Variants in MRTFB observed in about 807,000 individuals in gnomAD.
MRTFB encodes myocardin-related transcription factor B.
In MRTFB, 29 loss-of-function variants were observed where a neutral mutation model predicts 104.2. That is an observed-to-expected ratio of 0.28 (90% CI 0.21 to 0.38). The LOEUF is 0.38. Among genes scored for constraint, MRTFB ranks in the 10% least tolerant of loss-of-function variants. MRTFB has a pLI of 1.00. For synonymous variants in MRTFB, 535 were observed against 519.5 expected (o/e 1.03, Z -0.41); for missense variants, 1,270 against 1,341.6 (o/e 0.95, Z 0.83).
intron 1 of MRTFB, among the ~76,000 whole-genome samples, chr16:14,074,635 A>T (rs2033926749): frequency 6.6e-6 from 1 of 152,188 alleles, no homozygotes. Flanking sequence ...ATGGCATCTT[A>T]GAGTCAATGA....
chr16:14,017,647 ATGTGTGTGTGTGTGTGTATTTG>A, the MRTFB span, among the ~76,000 whole-genome samples: 4 of 58,912 alleles, frequency 6.8e-5, no homozygotes, highest in East Asian at 1.7e-3. Flanking sequence ...ATATGTATAT[ATGTGTGTGTGTGTGTGTATTTG>A]TGTGTGTGTG....
chr16:14,036,864 C>T, the MRTFB span, among the ~76,000 whole-genome samples: 1 of 152,140 alleles, frequency 6.6e-6, no homozygotes, highest in African/African-American at 2.4e-5. Flanking sequence ...GAACCCCAAA[C>T]ACGCTCCAGA....
At chr16:14,032,442 T>C in the MRTFB span, among the ~76,000 whole-genome samples, 1 of 152,240 alleles carries the variant, frequency 6.6e-6, no homozygotes, top group African/African-American at 2.4e-5. Context: ...ATGCATCTCT[T>C]GCATTGAAGC....
intron 15 of MRTFB, among the ~76,000 whole-genome samples, chr16:14,256,221 T>C (rs1210913302): frequency 1.6e-5 from 2 of 127,156 alleles, no homozygotes; most frequent in Non-Finnish European, 3.2e-5. Flanking sequence ...CCAGATGGGA[T>C]GAATAGAAGA....
chr16:14,033,257 A>G, the MRTFB span, among the ~76,000 whole-genome samples: 1 of 152,134 alleles, frequency 6.6e-6, no homozygotes, highest in African/African-American at 2.4e-5. Context: ...AATTAAAAAA[A>G]AACATAGGTC....
At chr16:14,012,443 C>T in the MRTFB span, among the ~76,000 whole-genome samples, 1 of 151,568 alleles carries the variant, frequency 6.6e-6, no homozygotes, top group Non-Finnish European at 1.5e-5. Flanking sequence ...GGACTACAGG[C>T]ACCTGCCACC....
chr16:14,185,684 A>G (rs1597186537), intron 3 of MRTFB, among the ~76,000 whole-genome samples: 2 of 152,274 alleles, frequency 1.3e-5, no homozygotes, highest in East Asian at 1.9e-4. Flanking sequence ...TTGAAAAAAA[A>G]AAAAGGACAA....
At chr16:14,195,351 A>G (rs914578564) in intron 3 of MRTFB, 13 of 203,774 alleles carry the variant, frequency 6.4e-5, no homozygotes, top group Non-Finnish European at 8.7e-5. Flanking sequence ...CACAGTTGCT[A>G]TGATATTAGG....
chr16:14,195,459 T>C (rs2040392255), intron 3 of MRTFB: 1 of 912,300 alleles, frequency 1.1e-6, no homozygotes, highest in Admixed American at 6.2e-5. Context: ...CAAATGTGTA[T>C]ATGTAAATAT....
intron 8 of MRTFB, among the ~76,000 whole-genome samples, chr16:14,225,099 T>C (rs1327202783): frequency 6.6e-6 from 1 of 152,146 alleles, no homozygotes; most frequent in Non-Finnish European, 1.5e-5. Flanking sequence ...GGTAGGAGCA[T>C]CGCTTGAATC....
intron 2 of MRTFB, among the ~76,000 whole-genome samples, chr16:14,118,033 A>G (rs947664702): frequency 6.6e-6 from 1 of 152,148 alleles, no homozygotes; most frequent in Non-Finnish European, 1.5e-5. Flanking sequence ...ATTTACATTA[A>G]AAGAAAAAAT....
At chr16:14,185,002 A>T (rs549030422) in intron 3 of MRTFB, among the ~76,000 whole-genome samples, 1 of 152,344 alleles carries the variant, frequency 6.6e-6, no homozygotes, top group South Asian at 2.1e-4. Context: ...TAAGTGACCA[A>T]CCTAAAGAAT....
rs999047321 is a variant in MRTFB, at chr16:14,177,755, C to T, written c.155-32488C>T. Among the ~76,000 whole-genome samples the T allele has an allele frequency of 6.6e-6, 1 of 151,768 alleles. No individual in the cohort carries two copies. Among genetic ancestry groups the T allele is most frequent in the South Asian group, 2.1e-4 (1 of 4,810 alleles). Reference sequence around the variant, plus strand: ...GGAAGATTGCTTCAGCCCAGGAGGTCGAGGCTGCAGCGAGTAATAATTGCA... The same window carrying T: ...GGAAGATTGCTTCAGCCCAGGAGGTTGAGGCTGCAGCGAGTAATAATTGCA... On this transcript the variant is annotated intron_variant, in intron 3 of 16. Transcript: ENST00000571589. The surrounding 1 kb of genome is among the most constrained non-coding windows in gnomAD (Gnocchi z 4.7).
At chr16:14,118,526 G>A (rs957899922) in intron 2 of MRTFB, among the ~76,000 whole-genome samples, 5 of 151,716 alleles carry the variant, frequency 3.3e-5, no homozygotes, top group South Asian at 2.1e-4. Context: ...GAGGCCTGGC[G>A]TGGTGGCTTA....
At chr16:14,033,679 A>C in the MRTFB span, among the ~76,000 whole-genome samples, 1 of 151,876 alleles carries the variant, frequency 6.6e-6, no homozygotes, top group Non-Finnish European at 1.5e-5. Flanking sequence ...CTCTACTAAA[A>C]ATACAAAATT....
intron 2 of MRTFB, among the ~76,000 whole-genome samples, chr16:14,095,545 A>G (rs1259737649): frequency 1.3e-5 from 2 of 152,248 alleles, no homozygotes; most frequent in Non-Finnish European, 2.9e-5. Context: ...AGAAAGGGCA[A>G]TAATTGGCAG....
At position 14,200,461 on chromosome 16, in the gene MRTFB, A is replaced by G. The variant is rs1456631214; in HGVS notation, c.155-9782A>G. ...GAAAAGTCAAAATCAGACATCCAGT[A>G]GCATCGTTTTTCCACTTATTCTTTC... is the stretch of plus-strand genomic sequence containing the variant. On this transcript the variant is annotated intron_variant, in intron 3 of 16. Coordinates refer to ENST00000571589, the MANE Select transcript of MRTFB (RefSeq NM_001308142.2). The G allele has an allele frequency of 9.3e-6, 15 of 1,610,332 alleles. No individual in the cohort carries two copies. In the South Asian group the frequency reaches 1.1e-4, roughly 12 times the overall value.
intron 3 of MRTFB, among the ~76,000 whole-genome samples, chr16:14,194,222 C>CTTTTGTTA (rs1013473712): frequency 6.6e-6 from 1 of 152,190 alleles, no homozygotes; most frequent in Non-Finnish European, 1.5e-5. Flanking sequence ...TACCGGTGGA[C>CTTTTGTTA]TACCTGGCTT....
chr16:14,097,404 A>T (rs939186992), intron 2 of MRTFB, among the ~76,000 whole-genome samples: 2 of 152,206 alleles, frequency 1.3e-5, no homozygotes, highest in Non-Finnish European at 2.9e-5. Context: ...TCCAGTAGTA[A>T]TTAACTTTTG....
Sources: allele counts gnomAD v4.1 joint callset (sites outside exome capture counted in the v4.1 genomes callset), GRCh38; gene constraint gnomAD v4.1.1; non-coding constraint Gnocchi (gnomAD v3.1); transcripts MANE v1.5; gene names NCBI Gene and HGNC (gene_info 2026-07-23, HGNC 2026-07-21).